Variants in PCDH9 observed in about 807,000 individuals in gnomAD.
PCDH9 encodes protocadherin-9.
A neutral mutation model predicts 70.6 loss-of-function variants in PCDH9; 24 were observed. The observed-to-expected ratio is 0.34, with a 90% CI of 0.25 to 0.48. PCDH9 has a LOEUF of 0.48. Among genes scored for constraint, PCDH9 ranks in the 20% least tolerant of loss-of-function variants. The probability of loss-of-function intolerance (pLI) is 0.99; values close to 1 mark genes in which losing one functional copy is unlikely to be tolerated. For synonymous variants in PCDH9, 562 were observed against 558.5 expected, an observed-to-expected ratio of 1.01 and a Z score of -0.09; for missense variants, 1,281 against 1,503.6, an observed-to-expected ratio of 0.85 and a Z score of 2.45.
chr13:66,378,556 A>G (rs1019178218), intron 4 of PCDH9, among the ~76,000 whole-genome samples: 1 of 152,208 alleles, frequency 6.6e-6, no homozygotes, highest in Non-Finnish European at 1.5e-5. Context: ...TAGGAGCTGC[A>G]CTGAAGACCT....
At chr13:66,413,509 AC>A (rs1461420638) in intron 4 of PCDH9, among the ~76,000 whole-genome samples, 3 of 151,742 alleles carry the variant, frequency 2.0e-5, no homozygotes, top group African/African-American at 7.3e-5. Context: ...ACACGGTGAA[AC>A]CCCGTCTCTA....
chr13:66,540,407 G>C (rs1960903002), intron 4 of PCDH9, among the ~76,000 whole-genome samples: 1 of 151,982 alleles, frequency 6.6e-6, no homozygotes, highest in African/African-American at 2.4e-5. Context: ...CAAACTTTCA[G>C]TTCTGTTCAT....
chr13:67,001,612 A>G (rs899312665), intron 2 of PCDH9, among the ~76,000 whole-genome samples: 1 of 152,070 alleles, frequency 6.6e-6, no homozygotes. Context: ...TGACTGAAAG[A>G]GAGAGAGAGG....
intron 4 of PCDH9, among the ~76,000 whole-genome samples, chr13:66,327,051 A>G (rs1024143533): frequency 6.6e-6 from 1 of 151,874 alleles, no homozygotes; most frequent in Non-Finnish European, 1.5e-5. Context: ...CTTTCTTAAT[A>G]CAATTATCTT....
intron 4 of PCDH9, among the ~76,000 whole-genome samples, chr13:66,565,052 G>C (rs2076633807): frequency 6.6e-6 from 1 of 152,030 alleles, no homozygotes; most frequent in South Asian, 2.1e-4. Context: ...TCTTTTAACT[G>C]TTTCAGGACA....
intron 4 of PCDH9, among the ~76,000 whole-genome samples, chr13:66,552,960 G>A (rs1961557156): frequency 6.6e-6 from 1 of 152,110 alleles, no homozygotes; most frequent in Non-Finnish European, 1.5e-5. Context: ...GAAGTGTCAA[G>A]CCAAAGGGGG....
At chr13:66,384,965 G>A (rs1013250761) in intron 4 of PCDH9, among the ~76,000 whole-genome samples, 4 of 152,064 alleles carry the variant, frequency 2.6e-5, no homozygotes, top group South Asian at 2.1e-4. Flanking sequence ...CATGGCGCCC[G>A]GCCCATATCT....
intron 2 of PCDH9, among the ~76,000 whole-genome samples, chr13:67,157,503 T>G (rs1346253498): frequency 6.6e-6 from 1 of 152,220 alleles, no homozygotes; most frequent in East Asian, 1.9e-4. Context: ...TTTTCTAAAA[T>G]TCTATGAGAA....
At chr13:66,758,553 A>ATCTAATTCCT (rs2079572728) in intron 3 of PCDH9, among the ~76,000 whole-genome samples, 1 of 151,944 alleles carries the variant, frequency 6.6e-6, no homozygotes, top group African/African-American at 2.4e-5. Flanking sequence ...TATTCCTTCT[A>ATCTAATTCCT]TCTATCTGTA....
chr13:66,860,468 C>G (rs933009216), intron 3 of PCDH9, among the ~76,000 whole-genome samples: 9 of 152,172 alleles, frequency 5.9e-5, no homozygotes, highest in Non-Finnish European at 8.8e-5. Flanking sequence ...GTGGGAGGCT[C>G]CCGTCAGTGC....
intron 2 of PCDH9, among the ~76,000 whole-genome samples, chr13:66,926,054 C>T (rs2082712906): frequency 6.6e-6 from 1 of 151,898 alleles, no homozygotes; most frequent in Non-Finnish European, 1.5e-5. Flanking sequence ...TTTGACTCCC[C>T]TTCCTTGTCT....
intron 2 of PCDH9, among the ~76,000 whole-genome samples, chr13:67,186,319 C>T (rs562373167): frequency 6.6e-6 from 1 of 152,138 alleles, no homozygotes; most frequent in Middle Eastern, 3.4e-3. Flanking sequence ...GTTTTATGTA[C>T]TAGAAAAGCA....
intron 4 of PCDH9, among the ~76,000 whole-genome samples, chr13:66,623,004 T>A (rs1440530371): frequency 6.6e-6 from 1 of 151,738 alleles, no homozygotes; most frequent in African/African-American, 2.4e-5. Context: ...ACACTCACGG[T>A]GAAGGTCTGC....
chr13:67,066,064 C>T (rs906374229), intron 2 of PCDH9, among the ~76,000 whole-genome samples: 1 of 152,036 alleles, frequency 6.6e-6, no homozygotes, highest in African/African-American at 2.4e-5. Flanking sequence ...AACACCCCTA[C>T]CTTAAGAAAT....
intron 2 of PCDH9, among the ~76,000 whole-genome samples, chr13:67,167,649 G>A (rs1252774420): frequency 3.9e-5 from 6 of 152,100 alleles, no homozygotes; most frequent in Non-Finnish European, 5.9e-5. Context: ...ATAATGGACT[G>A]AGGCCCAGTG....
At chr13:67,057,394 G>A (rs2085443800) in intron 2 of PCDH9, among the ~76,000 whole-genome samples, 1 of 151,830 alleles carries the variant, frequency 6.6e-6, no homozygotes, top group Non-Finnish European at 1.5e-5. Context: ...CCATCTCACT[G>A]GCATGGTTAC....
intron 2 of PCDH9, among the ~76,000 whole-genome samples, chr13:67,095,151 T>G (rs2086294806): frequency 6.6e-6 from 1 of 152,186 alleles, no homozygotes. Context: ...AAGTAGGCAT[T>G]AGTCTTTGGA....
At chr13:66,487,409 T>C (rs956761383) in intron 4 of PCDH9, among the ~76,000 whole-genome samples, 2 of 152,200 alleles carry the variant, frequency 1.3e-5, no homozygotes, top group African/African-American at 2.4e-5. Flanking sequence ...GATATTGACT[T>C]ACTAAAACTA....
Position 66,732,829 on chromosome 13 carries a change from A to G in PCDH9, c.3139-101418T>C, listed in dbSNP as rs191019210. Among the ~76,000 whole-genome samples, 72 of 152,104 alleles carry G rather than the reference A, an allele frequency of 4.7e-4. 1 individual carries two copies. Among genetic ancestry groups the G allele is most frequent in the African/African-American group, 1.5e-3 (62 of 41,548 alleles). On this transcript the variant is annotated intron_variant, in intron 3 of 4. Coordinates refer to ENST00000377865, the MANE Select transcript of PCDH9 (RefSeq NM_203487.3). ...GTCTCACAACTTCAAAATATTCCCC[A>G]ACCTGGGATCTATGAGAGATATTTT...
Sources: allele counts gnomAD v4.1 joint callset (sites outside exome capture counted in the v4.1 genomes callset), GRCh38; gene constraint gnomAD v4.1.1; transcripts MANE v1.5; gene names NCBI Gene and HGNC (gene_info 2026-07-23, HGNC 2026-07-21).